The following ZNF544 variants were observed in gnomAD, a reference collection of about 807,000 sequenced individuals.
ZNF544 encodes zinc finger protein 544.
ZNF544 carries 10 observed loss-of-function variants against 13.5 expected under a neutral mutation model. That is an observed-to-expected ratio of 0.74 (90% confidence interval 0.46 to 1.25). The LOEUF (loss-of-function observed/expected upper bound fraction) is 1.25, where lower values mean the gene tolerates loss of function less well. Ranked by LOEUF, ZNF544 falls within the 50% of genes most tolerant of loss-of-function variation. The probability of loss-of-function intolerance (pLI) is 0.00; values close to 1 mark genes in which losing one functional copy is unlikely to be tolerated. For missense variants in ZNF544, 896 were observed against 845.6 expected (o/e 1.06, Z -0.74); for synonymous variants, 323 against 300.5 (o/e 1.07, Z -0.77).
chr19:58,243,951 GT>G lies in ZNF544; in HGVS notation c.-59-10del. ...GAGCCGAGGGGCTGAATCTCTGCTTGTTTTCCACCCCAGACTGGTCTTCTGA... is the reference window on the plus strand; with the variant it reads ...GAGCCGAGGGGCTGAATCTCTGCTTGTTTCCACCCCAGACTGGTCTTCTGA... On this transcript the variant is annotated splice_polypyrimidine_tract_variant and intron_variant, in intron 3 of 6. Transcript: ENST00000687789. The G allele has an allele frequency of 6.5e-7, 1 of 1,541,292 alleles. No homozygotes were observed. The highest frequency in any genetic ancestry group is 8.8e-7 in the Non-Finnish European group (1 of 1,140,400).
intron 5 of ZNF544, among the ~76,000 whole-genome samples, chr19:58,270,449 G>A (rs897586978): frequency 5.9e-5 from 9 of 151,960 alleles, no homozygotes; most frequent in Non-Finnish European, 1.0e-4. Context: ...TTACAGGCAC[G>A]TGCCACCACG....
intron 3 of ZNF544, among the ~76,000 whole-genome samples, chr19:58,242,679 C>T (rs1010372164): frequency 7.2e-5 from 11 of 151,858 alleles, no homozygotes; most frequent in Admixed American, 5.9e-4. Flanking sequence ...GCCCGGCTAA[C>T]GTTTTGTGTT....
Position 58,263,085 on chromosome 19 carries a change from G to T in ZNF544, c.*331G>T. On this transcript the variant is annotated 3_prime_UTR_variant, in exon 7 of 7. Transcript: ENST00000687789. ...CATACTGGAGAGAAGCCCTGTGAATGTTAACAAATGTGGAAAAGCTTCCAG... is the reference window on the plus strand; with the variant it reads ...CATACTGGAGAGAAGCCCTGTGAATTTTAACAAATGTGGAAAAGCTTCCAG... The T allele has an allele frequency of 9.4e-7, 1 of 1,062,700 alleles. No individual in the cohort carries two copies. The allele number at this position is 1,062,700 out of a possible 1,614,324, so 65.8% of individuals were successfully genotyped here. A position where few individuals can be genotyped will look rare whatever the true frequency, so the allele number is the denominator to read the frequency against.
intron 6 of ZNF544, chr19:58,276,507 G>A (rs1479590151): frequency 1.6e-5 from 15 of 949,230 alleles, no homozygotes; most frequent in East Asian, 3.4e-5. Flanking sequence ...TCACTCTGTC[G>A]CCCAGGCTGG....
chr19:58,271,831 G>A lies in ZNF544; in HGVS notation c.245-4492G>A, dbSNP rs577971156. Reference sequence around the variant, plus strand: ...AACTGTCCTACTCTCCTTTTGATTCGGTGTCTCTGTATTAGTGATCTGACA... The same window carrying A: ...AACTGTCCTACTCTCCTTTTGATTCAGTGTCTCTGTATTAGTGATCTGACA... On this transcript the variant is annotated intron_variant, in intron 5 of 6. Transcript: ENST00000595981. Among the ~76,000 whole-genome samples, 9 of 152,140 alleles carry A rather than the reference G, an allele frequency of 5.9e-5. No individual in the cohort carries two copies. The East Asian group carries it at 1.2e-3, about 20-fold the overall frequency.
At chr19:58,243,250 G>T (rs528071988) in intron 3 of ZNF544, among the ~76,000 whole-genome samples, 1 of 152,208 alleles carries the variant, frequency 6.6e-6, no homozygotes, top group East Asian at 1.9e-4. Context: ...CTTCTGGAAT[G>T]TTCAGTGGTC....
intron 3 of ZNF544, among the ~76,000 whole-genome samples, chr19:58,239,348 A>C (rs2043080953): frequency 2.0e-5 from 3 of 149,320 alleles, no homozygotes; most frequent in African/African-American, 5.0e-5. Context: ...TCCCCCCTCC[A>C]CTCCCACCAA....
intron 3 of ZNF544, among the ~76,000 whole-genome samples, chr19:58,241,560 G>C (rs948596176): frequency 6.7e-6 from 1 of 150,250 alleles, no homozygotes; most frequent in African/African-American, 2.5e-5. Context: ...GCAGTAGTGC[G>C]ATCTCAGCTC....
Position 58,263,208 on chromosome 19 carries a change from C to T in ZNF544, c.*454C>T. On this transcript the variant is annotated 3_prime_UTR_variant, in exon 7 of 7. Transcript: ENST00000687789. ...GGGTGCAGTTGCCAACACTTGTAAT[C>T]CCAGCAGTTTGCGAGGCCGAGGCAG... The T allele has an allele frequency of 2.0e-6, 2 of 993,440 alleles. No homozygotes were observed. The highest frequency in any genetic ancestry group is 2.4e-6 in the Non-Finnish European group (2 of 834,148). The allele number at this position is 993,440 out of a possible 1,614,324, so 61.5% of individuals were successfully genotyped here. A position where few individuals can be genotyped will look rare whatever the true frequency, so the allele number is the denominator to read the frequency against.
At chr19:58,233,811 A>G (rs1168306371) in intron 3 of ZNF544, among the ~76,000 whole-genome samples, 1 of 152,184 alleles carries the variant, frequency 6.6e-6, no homozygotes, top group African/African-American at 2.4e-5. Flanking sequence ...TCTGGGCTTC[A>G]GGCTGGCAAA....
chr19:58,253,234 C>G (rs992247355), intron 6 of ZNF544, among the ~76,000 whole-genome samples: 1 of 152,220 alleles, frequency 6.6e-6, no homozygotes, highest in African/African-American at 2.4e-5. Flanking sequence ...TTCATTTACT[C>G]AATTCTTTCA....
chr19:58,238,481 T>C (rs917286502), intron 3 of ZNF544, among the ~76,000 whole-genome samples: 1 of 152,140 alleles, frequency 6.6e-6, no homozygotes, highest in African/African-American at 2.4e-5. Flanking sequence ...GCATAGTGCC[T>C]GGAAGACGGG....
rs374677220 is a variant in ZNF544, at chr19:58,260,863, C to T, written c.257C>T (p.Thr86Ile). Residue 86 changes from threonine (T) to isoleucine (I), a missense_variant, in exon 7 of 7, where the codon ACC becomes ATC. Coordinates refer to ENST00000687789, the MANE Select transcript of ZNF544 (RefSeq NM_014480.4). ...GGATTTCTTTCAGACTGGAAAGCTA[C>T]CCTTGAGGAGAATAGGTTGAATTCT... ...EQEAPRDWKATLEENRLNSEK... is the reference protein window; with the variant it reads ...EQEAPRDWKAILEENRLNSEK... 2 of 1,599,462 alleles carry T rather than the reference C, an allele frequency of 1.3e-6. No homozygotes were observed. The highest frequency in any genetic ancestry group is 1.3e-5 in the African/African-American group (1 of 74,260).
At chr19:58,260,587 GCTTATT>G (rs1464500120) in intron 6 of ZNF544, 6 of 338,546 alleles carry the variant, frequency 1.8e-5, no homozygotes, top group African/African-American at 1.1e-4. Context: ...GCCCCTCCCT[GCTTATT>G]CTTATTCTTC....
At chr19:58,241,174 T>TAC (rs1643833777) in intron 3 of ZNF544, among the ~76,000 whole-genome samples, 1 of 94,668 alleles carries the variant, frequency 1.1e-5, no homozygotes, top group Admixed American at 1.3e-4. Context: ...TATATATATA[T>TAC]ATATATTTTT....
At position 58,261,440 on chromosome 19, in the gene ZNF544, C is replaced by T; in HGVS notation, c.834C>T (p.Leu278=). 1 of 1,614,180 alleles carries T rather than the reference C, an allele frequency of 6.2e-7. No individual in the cohort carries two copies. ...KSDDCKDYGN[L]FSHSVSLNEQ... is the part of the protein sequence containing the mutation. Reference sequence around the variant, plus strand: ...ATGACTGTAAGGATTATGGAAACCTCTTCAGTCACAGTGTGTCTCTGAATG... The same window carrying T: ...ATGACTGTAAGGATTATGGAAACCTTTTCAGTCACAGTGTGTCTCTGAATG... The change falls in exon 7 of 7, where the codon CTC becomes CTT. Residue 278 remains leucine, a synonymous_variant. Transcript: ENST00000687789.
rs755419699 is a variant in ZNF544, at chr19:58,244,088, G to T, written c.33+32G>T. ...GGGGGGTCTTTGCTCTCAGTGCCTT[G>T]GTCTCCATAGATGTAAAATGGGTCC... On this transcript the variant is annotated intron_variant, in intron 4 of 6. Transcript: ENST00000687789. 1.8e-4 allele frequency: 283 copies of T among 1,587,296 alleles called. 1 individual carries two copies. Among genetic ancestry groups the T allele is most frequent in the Non-Finnish European group, 2.3e-4 (266 of 1,161,446 alleles).
chr19:58,256,920 T>TA (rs1424638078), intron 6 of ZNF544, among the ~76,000 whole-genome samples: 3 of 152,110 alleles, frequency 2.0e-5, no homozygotes, highest in Non-Finnish European at 2.9e-5. Flanking sequence ...AGTAACCAGT[T>TA]AGAGTAAAAA....
Position 58,246,218 on chromosome 19 carries a change from A to G in ZNF544, c.34-83A>G, listed in dbSNP as rs961527159. On this transcript the variant is annotated intron_variant, in intron 4 of 6. Transcript: ENST00000687789. ...CAATGTATGAATTTTACGGGGGGACACCAACATTTAGGCCTTAACAGGTAC... is the reference window on the plus strand; with the variant it reads ...CAATGTATGAATTTTACGGGGGGACGCCAACATTTAGGCCTTAACAGGTAC... 342 of 1,588,450 alleles carry G rather than the reference A, an allele frequency of 2.2e-4. 1 individual carries two copies. Among genetic ancestry groups the G allele is most frequent in the Admixed American group, 4.2e-4 (25 of 59,772 alleles).
Sources: gnomAD v4.1 joint callset for allele counts (sites outside exome capture counted in the v4.1 genomes callset) on GRCh38, gnomAD v4.1.1 for gene constraint, MANE v1.5 for transcripts, NCBI Gene and HGNC (gene_info 2026-07-23, HGNC 2026-07-21) for gene names.